Variants in BRI3BP observed in about 807,000 individuals in gnomAD.
BRI3BP encodes BRI3-binding protein.
A neutral mutation model predicts 15.8 loss-of-function variants in BRI3BP; 7 were observed. The observed-to-expected ratio is 0.44, with a 90% CI of 0.25 to 0.83. BRI3BP has a LOEUF of 0.83. Among genes scored for constraint, BRI3BP ranks in the 40% least tolerant of loss-of-function variants. BRI3BP has a pLI of 0.20. For synonymous variants in BRI3BP, 192 were observed against 163.5 expected (o/e 1.17, Z -1.33); for missense variants, 320 against 339.3 (o/e 0.94, Z 0.45).
At chr12:125,041,543 C>T in the BRI3BP span, among the ~76,000 whole-genome samples, 1 of 152,066 alleles carries the variant, frequency 6.6e-6, no homozygotes, top group Non-Finnish European at 1.5e-5. Flanking sequence ...GGCAATTCAC[C>T]ACATAGTACA....
chr12:125,014,412 A>C (rs889713608), intron 2 of BRI3BP, among the ~76,000 whole-genome samples: 2 of 152,194 alleles, frequency 1.3e-5, no homozygotes, highest in African/African-American at 4.8e-5. Flanking sequence ...AGGACTCAGC[A>C]TATAGTTGTC....
At chr12:125,015,201 G>A (rs1955232567) in intron 2 of BRI3BP, among the ~76,000 whole-genome samples, 1 of 152,184 alleles carries the variant, frequency 6.6e-6, no homozygotes, top group African/African-American at 2.4e-5. Context: ...TTTGGGAGTG[G>A]GGTCTGCAGA....
At chr12:125,024,755 C>T (rs1955333921) in intron 2 of BRI3BP, among the ~76,000 whole-genome samples, 1 of 152,102 alleles carries the variant, frequency 6.6e-6, no homozygotes, top group Admixed American at 6.5e-5. Flanking sequence ...GCCGAGATCA[C>T]ACCATTGCAC....
At chr12:125,035,346 A>G (rs966325771), downstream of BRI3BP, among the ~76,000 whole-genome samples, 1 of 151,392 alleles carries the variant, frequency 6.6e-6, no homozygotes, top group African/African-American at 2.4e-5. Context: ...GACAGTTGGT[A>G]TGATCAGCTG....
rs891866829 is a variant in BRI3BP at position 125,011,724 on chromosome 12, T to A, written c.214-810T>A. On this transcript the variant is annotated intron_variant, in intron 1 of 2. Coordinates refer to ENST00000341446, the MANE Select transcript of BRI3BP (RefSeq NM_080626.6). Reference sequence around the variant, plus strand: ...ACATGTATACAATATCACTAATTTTTTAAAAAAAAAAGTTAAAATGAGGCT... The same window carrying A: ...ACATGTATACAATATCACTAATTTTATAAAAAAAAAAGTTAAAATGAGGCT... 2.4e-4 allele frequency among the ~76,000 whole-genome samples: 37 copies of A among 151,554 alleles called. 1 individual carries two copies. The highest frequency in any genetic ancestry group is 8.0e-4 in the African/African-American group (33 of 41,212).
chr12:125,010,847 A>C (rs537343500), intron 1 of BRI3BP, among the ~76,000 whole-genome samples: 2 of 152,184 alleles, frequency 1.3e-5, no homozygotes, highest in Admixed American at 1.3e-4. Flanking sequence ...TAATCCCAGC[A>C]CTTTGGGAGG....
chr12:124,996,047 G>A (rs1029827710), intron 1 of BRI3BP, among the ~76,000 whole-genome samples: 3 of 152,078 alleles, frequency 2.0e-5, no homozygotes, highest in Non-Finnish European at 4.4e-5. Flanking sequence ...CCAAGTAGTT[G>A]GGATTACAGG....
intron 1 of BRI3BP, among the ~76,000 whole-genome samples, chr12:125,006,644 G>A (rs1230200985): frequency 6.6e-6 from 1 of 152,200 alleles, no homozygotes; most frequent in African/African-American, 2.4e-5. Context: ...GCTCCGACAC[G>A]CTGGGCACCT....
At chr12:125,024,937 A>T in intron 2 of BRI3BP, 54 bp from the exon 3 acceptor site, 1 of 1,482,368 alleles carries the variant, frequency 6.7e-7, no homozygotes, top group Non-Finnish European at 9.2e-7. Context: ...CTAGCTTGTT[A>T]AGAAACCCCT....
Position 125,029,531 on chromosome 12 carries a change from CAAAAAAA to C in BRI3BP, c.*4109_*4115del, listed in dbSNP as rs545402158. On this transcript the variant is annotated 3_prime_UTR_variant, in exon 3 of 3. Coordinates refer to ENST00000341446, the MANE Select transcript of BRI3BP (RefSeq NM_080626.6). ...GAGGCGACAGAGTGAGACCCAGTCT[CAAAAAAA>C]AAAAAAAGTGTGTGTGTGTGTATAT... The C allele has an allele frequency of 1.0e-5, 1 of 100,166 alleles. No homozygotes were observed. The highest frequency in any genetic ancestry group is 3.7e-5 in the African/African-American group (1 of 26,686). 6.2% of individuals were successfully genotyped at this position (100,166 alleles called of 1,614,324 possible).
In BRI3BP at chr12:124,996,294, T is replaced by C. The variant is rs542005589; in HGVS notation, c.213+2291T>C. ...TGTTTTGTTAATTTTATGGGTTTTT[T>C]TTTAAATTTAATTAATTAATTTATT... On this transcript the variant is annotated intron_variant, in intron 1 of 2. Coordinates refer to ENST00000341446, the MANE Select transcript of BRI3BP (RefSeq NM_080626.6). Among the ~76,000 whole-genome samples, 39 of 152,234 alleles carry C rather than the reference T, an allele frequency of 2.6e-4. No individual in the cohort carries two copies. The East Asian group carries it at 6.8e-3, about 26-fold the overall frequency.
the BRI3BP span, among the ~76,000 whole-genome samples, chr12:125,042,391 T>C: frequency 3.3e-5 from 5 of 152,214 alleles, no homozygotes; most frequent in Non-Finnish European, 5.9e-5. Flanking sequence ...GTGACTGTTA[T>C]GCAAGTTGTT....
the BRI3BP span, among the ~76,000 whole-genome samples, chr12:125,039,307 T>C: frequency 2.0e-5 from 3 of 152,192 alleles, no homozygotes. Context: ...TATCTTTTAA[T>C]AGTTTTTTTT....
intron 1 of BRI3BP, among the ~76,000 whole-genome samples, chr12:125,011,267 G>T (rs1955194890): frequency 6.6e-6 from 1 of 152,108 alleles, no homozygotes; most frequent in African/African-American, 2.4e-5. Flanking sequence ...AAGGGAAGGG[G>T]CGTGTTTTAC....
the BRI3BP span, among the ~76,000 whole-genome samples, chr12:125,040,017 A>C: frequency 6.6e-6 from 1 of 152,218 alleles, no homozygotes; most frequent in Non-Finnish European, 1.5e-5. Flanking sequence ...TAATCCCAGC[A>C]CTTTGGGACG....
At position 125,028,403 on chromosome 12, in the gene BRI3BP, C is replaced by T. The variant is rs1463556981; in HGVS notation, c.*2973C>T. On this transcript the variant is annotated 3_prime_UTR_variant, in exon 3 of 3. Coordinates refer to ENST00000341446, the MANE Select transcript of BRI3BP (RefSeq NM_080626.6). ...GATCTCGATAAGATCATCATTTTAA[C>T]TTGTATTCAACTGAGGGAGGTAACA... is the stretch of plus-strand genomic sequence containing the variant. 1.3e-5 allele frequency: 2 copies of T among 152,194 alleles called. No individual in the cohort carries two copies. The highest frequency in any genetic ancestry group is 4.8e-5 in the African/African-American group (2 of 41,454). The allele number at this position is 152,194 out of a possible 1,614,324, so 9.4% of individuals were successfully genotyped here.
chr12:125,014,738 C>G (rs1385097866), intron 2 of BRI3BP, among the ~76,000 whole-genome samples: 1 of 152,224 alleles, frequency 6.6e-6, no homozygotes, highest in African/African-American at 2.4e-5. Flanking sequence ...AGGCTGCACT[C>G]TGGCCCCAGC....
downstream of BRI3BP, among the ~76,000 whole-genome samples, chr12:125,032,492 G>A (rs1232891710): frequency 2.0e-5 from 3 of 151,742 alleles, no homozygotes; most frequent in South Asian, 2.1e-4. Flanking sequence ...TTTTGTGGCC[G>A]GGTGCAGTGG....
the BRI3BP span, among the ~76,000 whole-genome samples, chr12:125,037,767 A>T: frequency 6.6e-6 from 1 of 151,474 alleles, no homozygotes; most frequent in South Asian, 2.1e-4. Flanking sequence ...AGCTGAGATC[A>T]AGCCACTGCA....
Sources: allele counts gnomAD v4.1 joint callset (sites outside exome capture counted in the v4.1 genomes callset), GRCh38; gene constraint gnomAD v4.1.1; transcripts MANE v1.5; gene names NCBI Gene and HGNC (gene_info 2026-07-23, HGNC 2026-07-21).